TSC22D1: variants seen among roughly 807,000 people sequenced by gnomAD.
TSC22D1 encodes the protein TSC22 domain family member 1, also known as TSC22 domain family protein 1.
A neutral mutation model predicts 74.2 loss-of-function variants in TSC22D1; 9 were observed. The ratio of observed to expected loss-of-function variants is 0.12; its 90% CI spans 0.07 to 0.21. The LOEUF is 0.21. Ranked by LOEUF, TSC22D1 falls within the 10% of genes least tolerant of loss-of-function variation. TSC22D1 has a pLI of 1.00. For synonymous variants in TSC22D1, 586 were observed against 492.5 expected (o/e 1.19, Z -2.51); for missense variants, 1,427 against 1,304.7 (o/e 1.09, Z -1.44).
chr13:44,489,169 G>A (rs150361612), intron 1 of TSC22D1, among the ~76,000 whole-genome samples: 1 of 149,998 alleles, frequency 6.7e-6, no homozygotes, highest in African/African-American at 2.4e-5. Context: ...TATCCACATG[G>A]GGAAAAAATT....
intron 1 of TSC22D1, among the ~76,000 whole-genome samples, chr13:44,564,490 G>A (rs531068824): frequency 6.6e-5 from 10 of 152,262 alleles, no homozygotes; most frequent in South Asian, 6.2e-4. Flanking sequence ...AAAGTGAGAT[G>A]GCATAGGGGA....
intron 1 of TSC22D1, among the ~76,000 whole-genome samples, chr13:44,499,461 GT>G (rs1180118009): frequency 6.6e-6 from 1 of 152,112 alleles, no homozygotes; most frequent in Non-Finnish European, 1.5e-5. Context: ...ACATTAAAGT[GT>G]TTTGTTAATG....
chr13:44,532,240 A>AT (rs1299572480), intron 1 of TSC22D1, among the ~76,000 whole-genome samples: 2 of 152,226 alleles, frequency 1.3e-5, no homozygotes, highest in Non-Finnish European at 2.9e-5. Context: ...TACTAGCCTA[A>AT]TTTTTAGAAA....
intron 1 of TSC22D1, among the ~76,000 whole-genome samples, chr13:44,525,401 C>T (rs1036963955): frequency 9.9e-5 from 15 of 152,022 alleles, no homozygotes; most frequent in African/African-American, 3.4e-4. Flanking sequence ...AGCCTAGCAA[C>T]ACAGTGAGCC....
intron 1 of TSC22D1, among the ~76,000 whole-genome samples, chr13:44,540,403 T>C (rs942640701): frequency 1.3e-5 from 2 of 152,180 alleles, no homozygotes; most frequent in Non-Finnish European, 2.9e-5. Context: ...GCTGAATTTC[T>C]TCTCTGAGTT....
chr13:44,498,105 A>C (rs921596588), intron 1 of TSC22D1, among the ~76,000 whole-genome samples: 8 of 151,824 alleles, frequency 5.3e-5, no homozygotes, highest in Non-Finnish European at 7.4e-5. Flanking sequence ...AAAACCAAAA[A>C]AAAAAATGTC....
At chr13:44,509,950 C>CAAAAAAAAAAAAAAAA in intron 1 of TSC22D1, among the ~76,000 whole-genome samples, 30 of 51,432 alleles carry the variant, frequency 5.8e-4, no homozygotes, top group South Asian at 1.0e-3. Flanking sequence ...AGAAAATAAG[C>CAAAAAAAAAAAAAAAA]AAAAAAAAAA....
chr13:44,518,622 G>A (rs1397049660), intron 1 of TSC22D1, among the ~76,000 whole-genome samples: 1 of 152,148 alleles, frequency 6.6e-6, no homozygotes, highest in East Asian at 1.9e-4. Flanking sequence ...CTCTAAACCA[G>A]TAACTTCCAA....
intron 1 of TSC22D1, chr13:44,452,896 C>G (rs1161440105): frequency 1.3e-5 from 2 of 152,346 alleles, no homozygotes; most frequent in Non-Finnish European, 1.5e-5. Context: ...GGTTTTCCAT[C>G]TTTTTACAAG....
At chr13:44,561,663 T>C (rs1048513540) in intron 1 of TSC22D1, among the ~76,000 whole-genome samples, 12 of 152,172 alleles carry the variant, frequency 7.9e-5, no homozygotes, top group Non-Finnish European at 1.6e-4. Context: ...CTCCCAATAC[T>C]CCTTTATTAG....
chr13:44,512,233 T>G (rs1030919713), intron 1 of TSC22D1, among the ~76,000 whole-genome samples: 7 of 152,100 alleles, frequency 4.6e-5, no homozygotes, highest in African/African-American at 1.7e-4. Flanking sequence ...GCAATGGCGC[T>G]ATCTTGGCTC....
At chr13:44,536,926 GAAAAAA>G (rs10596156) in intron 1 of TSC22D1, 332 of 494,946 alleles carry the variant, frequency 6.7e-4, no homozygotes, top group African/African-American at 4.2e-3. Context: ...GTATTTTTCT[GAAAAAA>G]AAAAAAAAAA....
intron 1 of TSC22D1, among the ~76,000 whole-genome samples, chr13:44,520,746 C>T (rs1446767047): frequency 1.3e-5 from 2 of 151,980 alleles, no homozygotes; most frequent in African/African-American, 2.4e-5. Flanking sequence ...GAAGGATATC[C>T]CATCTGATGG....
At chr13:44,451,895 C>A (rs1443264720) in intron 1 of TSC22D1, among the ~76,000 whole-genome samples, 1 of 152,198 alleles carries the variant, frequency 6.6e-6, no homozygotes. Flanking sequence ...CATGGCTGAC[C>A]GAGGAGAGGA....
intron 1 of TSC22D1, among the ~76,000 whole-genome samples, chr13:44,495,211 C>T (rs1284190546): frequency 6.6e-6 from 1 of 150,980 alleles, no homozygotes; most frequent in Admixed American, 6.6e-5. Context: ...TGGCCAAAAA[C>T]TTCCCAAATT....
rs548178981 is a variant in TSC22D1, at chr13:44,556,052, A to G, written c.2912+17111T>C. The stretch of plus-strand genomic sequence containing the variant: ...AGTAAAAATTATGGAACACACAAGT[A>G]AGGCTTATATTACATTACTATTAAA... On this transcript the variant is annotated intron_variant, in intron 1 of 2. Coordinates refer to ENST00000458659, the MANE Select transcript of TSC22D1 (RefSeq NM_183422.4). Among the ~76,000 whole-genome samples the G allele has an allele frequency of 7.0e-4, 107 of 152,264 alleles. 2 individuals are homozygous for G. Among genetic ancestry groups the G allele is most frequent in the African/African-American group, 2.5e-3 (103 of 41,562 alleles).
intron 1 of TSC22D1, among the ~76,000 whole-genome samples, chr13:44,549,776 G>GAA (rs1305063154): frequency 8.4e-4 from 57 of 67,988 alleles, no homozygotes; most frequent in African/African-American, 2.7e-3. Context: ...CAAAAAAAAA[G>GAA]AAAAAAAAAA....
chr13:44,532,899 T>C (rs1368786301), intron 1 of TSC22D1, among the ~76,000 whole-genome samples: 5 of 152,140 alleles, frequency 3.3e-5, no homozygotes, highest in Admixed American at 3.3e-4. Flanking sequence ...TCTTGAAGGC[T>C]GTCACATTTG....
intron 1 of TSC22D1, among the ~76,000 whole-genome samples, chr13:44,440,932 G>A (rs1490628358): frequency 6.6e-6 from 1 of 152,200 alleles, no homozygotes; most frequent in Non-Finnish European, 1.5e-5. Context: ...AGAAAAAGAT[G>A]AAGAAAATGT....
Sources: gnomAD v4.1 joint callset for allele counts (sites outside exome capture counted in the v4.1 genomes callset) on GRCh38, gnomAD v4.1.1 for gene constraint, MANE v1.5 for transcripts, NCBI Gene and HGNC (gene_info 2026-07-23, HGNC 2026-07-21) for gene names.